OTUD7A: variants seen among roughly 807,000 people sequenced by gnomAD.
The protein encoded by OTUD7A is OTU deubiquitinase 7A, also known as OTU domain-containing protein 7A.
Under a neutral mutation model 65.7 loss-of-function variants are expected in OTUD7A, and 12 were observed. That is an observed-to-expected ratio of 0.18 (90% CI 0.12 to 0.30). The LOEUF (loss-of-function observed/expected upper bound fraction) is 0.30. Ranked by LOEUF, OTUD7A falls within the 10% of genes least tolerant of loss-of-function variation. The pLI is 1.00. For missense variants in OTUD7A, 1,148 were observed against 1,304.8 expected (o/e 0.88, Z 1.85); for synonymous variants, 641 against 586.3 (o/e 1.09, Z -1.35).
In OTUD7A at chr15:31,527,750, C is replaced by G. The variant is rs1420175329; in HGVS notation, c.653-442G>C. 2.0e-5 allele frequency among the ~76,000 whole-genome samples: 3 copies of G among 152,208 alleles called. No homozygotes were observed. The East Asian group carries it at 5.8e-4, about 29-fold the overall frequency. On this transcript the variant is annotated intron_variant, in intron 6 of 12. Coordinates refer to ENST00000307050, the MANE Select transcript of OTUD7A (RefSeq NM_001382637.1). ...TGGCTTCTCCAGGGTCTGCCATTTC[C>G]CTCCTCTCCAGCCCTGAGGCATCTC...
At chr15:31,568,556 T>C (rs916702682) in intron 4 of OTUD7A, among the ~76,000 whole-genome samples, 1 of 152,226 alleles carries the variant, frequency 6.6e-6, no homozygotes, top group African/African-American at 2.4e-5. Context: ...TGGGAAGGCA[T>C]GATTGTATTT....
chr15:31,759,027 C>CA (rs1243304117), intron 1 of OTUD7A, among the ~76,000 whole-genome samples: 1 of 152,192 alleles, frequency 6.6e-6, no homozygotes, highest in Non-Finnish European at 1.5e-5. Flanking sequence ...AATGGGTCTA[C>CA]ACCTCCTCTC....
intron 5 of OTUD7A, among the ~76,000 whole-genome samples, chr15:31,550,944 G>A (rs1270012702): frequency 6.6e-6 from 1 of 152,188 alleles, no homozygotes; most frequent in Non-Finnish European, 1.5e-5. Flanking sequence ...AGGGCAAGCA[G>A]ACAGCTCCTG....
At chr15:31,714,779 T>C (rs947428574) in intron 1 of OTUD7A, among the ~76,000 whole-genome samples, 1 of 152,214 alleles carries the variant, frequency 6.6e-6, no homozygotes, top group African/African-American at 2.4e-5. Context: ...TTTACTAACA[T>C]GAGCAAACCA....
At chr15:31,733,510 C>T (rs566974916) in intron 1 of OTUD7A, among the ~76,000 whole-genome samples, 6 of 152,308 alleles carry the variant, frequency 3.9e-5, no homozygotes, top group Admixed American at 1.3e-4. Context: ...AACTTAAACG[C>T]TTTTTCCTCT....
intron 8 of OTUD7A, among the ~76,000 whole-genome samples, chr15:31,508,403 C>G (rs945552560): frequency 3.1e-5 from 2 of 65,358 alleles, no homozygotes; most frequent in African/African-American, 1.9e-4. Context: ...GGCTGGAGTG[C>G]AGTGGCGCCG....
chr15:31,867,735 C>T (rs1172614697), intron 1 of OTUD7A, among the ~76,000 whole-genome samples: 1 of 152,192 alleles, frequency 6.6e-6, no homozygotes, highest in Non-Finnish European at 1.5e-5. Context: ...GGCACTCAAT[C>T]CTGAGACTCA....
chr15:31,645,454 T>C (rs1273939262), intron 3 of OTUD7A, among the ~76,000 whole-genome samples: 2 of 152,190 alleles, frequency 1.3e-5, no homozygotes, highest in African/African-American at 4.8e-5. Flanking sequence ...CCAGGTTTAA[T>C]CAAAATCAAC....
intron 1 of OTUD7A, among the ~76,000 whole-genome samples, chr15:31,837,804 G>A (rs1046930535): frequency 6.6e-6 from 1 of 152,212 alleles, no homozygotes; most frequent in Non-Finnish European, 1.5e-5. Flanking sequence ...GAAAGGCAAA[G>A]AAGTTGGAAT....
chr15:31,655,017 A>C, intron 3 of OTUD7A, 79 bp downstream of exon 3: 1 of 1,509,614 alleles, frequency 6.6e-7, no homozygotes, highest in Non-Finnish European at 8.9e-7. Context: ...TACCACTGTC[A>C]TCAGGTATTG....
intron 1 of OTUD7A, among the ~76,000 whole-genome samples, chr15:31,703,310 G>C (rs578236851): frequency 6.6e-6 from 1 of 152,142 alleles, no homozygotes; most frequent in South Asian, 2.1e-4. Flanking sequence ...CTACTGACTG[G>C]GAGAAAATAT....
At chr15:31,616,151 T>A (rs1348166729) in intron 3 of OTUD7A, among the ~76,000 whole-genome samples, 2 of 152,150 alleles carry the variant, frequency 1.3e-5, no homozygotes, top group Admixed American at 6.5e-5. Flanking sequence ...CAGCACTCCA[T>A]CCCTTTTGTT....
chr15:31,673,448 G>A (rs1207799343), intron 1 of OTUD7A, among the ~76,000 whole-genome samples: 1 of 152,166 alleles, frequency 6.6e-6, no homozygotes, highest in Non-Finnish European at 1.5e-5. Flanking sequence ...CACCTTACAC[G>A]AGAACCTCCA....
At chr15:31,530,676 G>A (rs770588485) in intron 6 of OTUD7A, 31 bp downstream of exon 6, 4 of 1,595,454 alleles carry the variant, frequency 2.5e-6, no homozygotes, top group Non-Finnish European at 3.4e-6. Context: ...CCTGGAGCCT[G>A]GCCACCCTCT....
chr15:31,860,640 T>TATATATATATATATATATATAC (rs1897698566), intron 1 of OTUD7A, among the ~76,000 whole-genome samples: 1 of 127,542 alleles, frequency 7.8e-6, no homozygotes, highest in Non-Finnish European at 1.6e-5. Flanking sequence ...TATATATATA[T>TATATATATATATATATATATAC]ATATGTATGT....
chr15:31,790,917 C>A (rs1340668781), intron 1 of OTUD7A, among the ~76,000 whole-genome samples: 1 of 152,108 alleles, frequency 6.6e-6, no homozygotes, highest in Non-Finnish European at 1.5e-5. Context: ...AATGGAGACA[C>A]CTATGGAAGT....
intron 5 of OTUD7A, among the ~76,000 whole-genome samples, chr15:31,544,827 C>T (rs1052764815): frequency 6.6e-6 from 1 of 151,632 alleles, no homozygotes; most frequent in South Asian, 2.1e-4. Context: ...AAGTACTATA[C>T]CTAAGAAGGA....
intron 3 of OTUD7A, among the ~76,000 whole-genome samples, chr15:31,587,859 C>T (rs112180273): frequency 7.9e-5 from 12 of 151,984 alleles, no homozygotes; most frequent in African/African-American, 1.2e-4. Context: ...CCCTAACGCT[C>T]ACTGTTCCTT....
intron 1 of OTUD7A, among the ~76,000 whole-genome samples, chr15:31,739,704 T>C (rs28551678): frequency 0.016 from 2,510 of 152,240 alleles, 38 homozygotes; most frequent in Non-Finnish European, 0.026. Context: ...GTGATTCTTG[T>C]GCCTCAGCCA....
Sources: gnomAD v4.1 joint callset for allele counts (sites outside exome capture counted in the v4.1 genomes callset) on GRCh38, gnomAD v4.1.1 for gene constraint, MANE v1.5 for transcripts, NCBI Gene and HGNC (gene_info 2026-07-23, HGNC 2026-07-21) for gene names.